Variants in PPP2R2C observed in about 807,000 individuals in gnomAD.
The protein encoded by PPP2R2C is protein phosphatase 2 regulatory subunit Bgamma.
PPP2R2C carries 10 observed loss-of-function variants against 45.3 expected under a neutral mutation model. That is an observed-to-expected ratio of 0.22 (90% CI 0.14 to 0.37). PPP2R2C has a LOEUF of 0.37. Ranked by LOEUF, PPP2R2C falls within the 10% of genes least tolerant of loss-of-function variation. The pLI is 1.00. For synonymous variants in PPP2R2C, 257 were observed against 245.4 expected (o/e 1.05, Z -0.44); for missense variants, 308 against 619.7 (o/e 0.50, Z 5.34).
chr4:6,341,283 G>T (rs1022603927), intron 6 of PPP2R2C, among the ~76,000 whole-genome samples: 1 of 149,104 alleles, frequency 6.7e-6, no homozygotes, highest in Non-Finnish European at 1.5e-5. Context: ...AGGTTGCAGT[G>T]AGCCAAGATC....
intron 1 of PPP2R2C, among the ~76,000 whole-genome samples, chr4:6,392,146 C>T (rs542118120): frequency 5.9e-5 from 9 of 152,268 alleles, no homozygotes; most frequent in African/African-American, 1.9e-4. Context: ...TGCACAGCAA[C>T]GTGAATATAC....
At chr4:6,535,098 G>A (rs923588964) in intron 2 of PPP2R2C, among the ~76,000 whole-genome samples, 4 of 152,200 alleles carry the variant, frequency 2.6e-5, no homozygotes, top group Non-Finnish European at 5.9e-5. Context: ...GGCCCAGGCG[G>A]CAGGAGCCAG....
At chr4:6,473,013 G>A (rs1721998043), upstream of PPP2R2C, among the ~76,000 whole-genome samples, 1 of 152,082 alleles carries the variant, frequency 6.6e-6, no homozygotes, top group African/African-American at 2.4e-5. Context: ...CTCGGGGGAG[G>A]GGAAGGACAC....
intron 1 of PPP2R2C, among the ~76,000 whole-genome samples, chr4:6,428,306 T>G (rs555141433): frequency 9.2e-5 from 14 of 152,266 alleles, no homozygotes; most frequent in Admixed American, 2.0e-4. Flanking sequence ...CCGGCCTGGA[T>G]GGACAGTGGT....
intron 8 of PPP2R2C, among the ~76,000 whole-genome samples, chr4:6,323,812 G>C (rs909837481): frequency 1.3e-5 from 2 of 150,918 alleles, no homozygotes; most frequent in South Asian, 2.1e-4. Flanking sequence ...AGCTATTCAG[G>C]AGGTTGAGGC....
At chr4:6,478,367 A>C (rs936835583) in intron 2 of PPP2R2C, among the ~76,000 whole-genome samples, 2 of 152,240 alleles carry the variant, frequency 1.3e-5, no homozygotes, top group Non-Finnish European at 2.9e-5. Context: ...GCAGAGTACA[A>C]GGTGAGGTGA....
Position 6,480,560 on chromosome 4 carries a change from C to T in PPP2R2C, c.49+54711G>A, listed in dbSNP as rs149785102. ...TATTATTTCTTCTACCTGCTGTCCACCCACCCACATAATATTTAGGTTGTT... is the reference window on the plus strand; with the variant it reads ...TATTATTTCTTCTACCTGCTGTCCATCCACCCACATAATATTTAGGTTGTT... On this transcript the variant is annotated intron_variant, in intron 2 of 9. Coordinates refer to the PPP2R2C transcript ENST00000506140. 2.5e-3 allele frequency among the ~76,000 whole-genome samples: 374 copies of T among 152,300 alleles called. 1 individual carries two copies. The highest frequency in any genetic ancestry group is 8.6e-3 in the African/African-American group (358 of 41,560).
intron 1 of PPP2R2C, among the ~76,000 whole-genome samples, chr4:6,455,361 A>G (rs373180229): frequency 6.6e-5 from 10 of 152,244 alleles, no homozygotes; most frequent in African/African-American, 2.4e-4. Flanking sequence ...CTCATCCCAT[A>G]AAGTTGGGGC....
rs6829846 is a variant in PPP2R2C at position 6,329,217 on chromosome 4, C to T, written c.1052+45G>A. The T allele has an allele frequency of 0.018, 28,394 of 1,564,444 alleles. 3,953 individuals are homozygous for T. The African/African-American group carries it at 0.32, about 17-fold the overall frequency. ...AGCCCAGACCCCTGCAGGGCAGAAACCCTCCCTACGGTGAGGTGAGGTGCG... is the reference window on the plus strand; with the variant it reads ...AGCCCAGACCCCTGCAGGGCAGAAATCCTCCCTACGGTGAGGTGAGGTGCG... On this transcript the variant is annotated intron_variant, in intron 8 of 8. Coordinates refer to ENST00000382599, the MANE Select transcript of PPP2R2C (RefSeq NM_020416.4). This position sits in a 1 kb window ranked among gnomAD's most constrained non-coding sequence, Gnocchi z 5.8.
intron 1 of PPP2R2C, among the ~76,000 whole-genome samples, chr4:6,449,534 G>A (rs1221598877): frequency 2.6e-5 from 4 of 152,194 alleles, no homozygotes; most frequent in Non-Finnish European, 5.9e-5. Context: ...CCCCGCCGCC[G>A]CCTGGCCCCT....
intron 2 of PPP2R2C, among the ~76,000 whole-genome samples, chr4:6,496,045 T>A (rs1722872070): frequency 6.6e-6 from 1 of 152,156 alleles, no homozygotes; most frequent in Admixed American, 6.5e-5. Flanking sequence ...TCCTCCTCTG[T>A]ATCTCCCTAA....
chr4:6,470,004 G>A (rs1721783213), intron 1 of PPP2R2C, among the ~76,000 whole-genome samples: 2 of 152,236 alleles, frequency 1.3e-5, no homozygotes, highest in African/African-American at 4.8e-5. Context: ...GCCTTCGTAT[G>A]AGGTCCCAGC....
intron 2 of PPP2R2C, among the ~76,000 whole-genome samples, chr4:6,511,733 AGGTGATGGT>A (rs1241093248): frequency 2.5e-3 from 5 of 1,992 alleles, no homozygotes; most frequent in Admixed American, 9.1e-3. Context: ...ATGGTGGTGG[AGGTGATGGT>A]GGTGATGGCA....
Position 6,329,389 on chromosome 4 carries a change from G to T in PPP2R2C, c.961-36C>A, listed in dbSNP as rs200052893. On this transcript the variant is annotated intron_variant, in intron 7 of 8. Coordinates refer to ENST00000382599, the MANE Select transcript of PPP2R2C (RefSeq NM_020416.4). The surrounding 1 kb of genome is among the most constrained non-coding windows in gnomAD (Gnocchi z 5.8). Reference sequence around the variant, plus strand: ...AAGGGATGAGGTGAGTGGACGGGGCGTCCCGACCATCCTGGCCCTTCCACA... The same window carrying T: ...AAGGGATGAGGTGAGTGGACGGGGCTTCCCGACCATCCTGGCCCTTCCACA... The T allele has an allele frequency of 6.4e-7, 1 of 1,564,766 alleles. No individual in the cohort carries two copies. The highest frequency in any genetic ancestry group is 8.8e-7 in the Non-Finnish European group (1 of 1,135,832).
At chr4:6,426,268 C>T (rs575180389) in intron 1 of PPP2R2C, among the ~76,000 whole-genome samples, 33 of 152,318 alleles carry the variant, frequency 2.2e-4, no homozygotes, top group South Asian at 2.1e-4. Flanking sequence ...GAGAGGGAGG[C>T]GGTCGGAGAC....
At chr4:6,425,456 G>A (rs1366821526) in intron 1 of PPP2R2C, among the ~76,000 whole-genome samples, 2 of 152,172 alleles carry the variant, frequency 1.3e-5, no homozygotes, top group Admixed American at 6.5e-5. Flanking sequence ...GAGGATCCAG[G>A]GACATCCAGT....
chr4:6,531,230 C>G (rs1724386943), intron 2 of PPP2R2C, among the ~76,000 whole-genome samples: 1 of 152,216 alleles, frequency 6.6e-6, no homozygotes, highest in Non-Finnish European at 1.5e-5. Flanking sequence ...CTCGAGGAAG[C>G]ACCCACCAAG....
chr4:6,380,858 G>T, intron 2 of PPP2R2C, 139 bp downstream of exon 2: 1 of 1,316,974 alleles, frequency 7.6e-7, no homozygotes, highest in Non-Finnish European at 1.0e-6. Flanking sequence ...CCCTCTTGTG[G>T]GTTGGAGTAT....
intron 5 of PPP2R2C, among the ~76,000 whole-genome samples, chr4:6,355,048 T>C (rs1374075851): frequency 6.6e-6 from 1 of 152,246 alleles, no homozygotes; most frequent in Non-Finnish European, 1.5e-5. Flanking sequence ...TTATAGATTT[T>C]CTGCTTTCTC....
Sources: allele counts gnomAD v4.1 joint callset (sites outside exome capture counted in the v4.1 genomes callset), GRCh38; gene constraint gnomAD v4.1.1; non-coding constraint Gnocchi (gnomAD v3.1); transcripts MANE v1.5; gene names NCBI Gene and HGNC (gene_info 2026-07-23, HGNC 2026-07-21).